LTBP1: variants seen among roughly 807,000 people sequenced by gnomAD.
LTBP1 encodes the protein latent transforming growth factor beta binding protein 1, also known as latent-transforming growth factor beta-binding protein 1.
LTBP1 carries 129 observed loss-of-function variants against 207.6 expected under a neutral mutation model. That is an observed-to-expected ratio of 0.62 (90% CI 0.54 to 0.72). The LOEUF (loss-of-function observed/expected upper bound fraction) is 0.72, where lower values mean the gene tolerates loss of function less well. Ranked by LOEUF, LTBP1 falls within the 30% of genes least tolerant of loss-of-function variation. The pLI is 0.00. For synonymous variants in LTBP1, 963 were observed against 833.7 expected, an observed-to-expected ratio of 1.16 and a Z score of -2.67; for missense variants, 2,281 against 2,217.2, an observed-to-expected ratio of 1.03 and a Z score of -0.58.
At chr2:33,099,611 AT>A (rs1322553878) in intron 3 of LTBP1, among the ~76,000 whole-genome samples, 1 of 152,210 alleles carries the variant, frequency 6.6e-6, no homozygotes, top group East Asian at 1.9e-4. Flanking sequence ...ATTTGGTAAC[AT>A]TTGAGTTAGG....
chr2:33,368,633 T>C (rs776281938), intron 31 of LTBP1, among the ~76,000 whole-genome samples: 6 of 152,232 alleles, frequency 3.9e-5, no homozygotes, highest in Non-Finnish European at 7.3e-5. Flanking sequence ...TCCCAGCATG[T>C]TGGGAGGCCG....
chr2:33,069,154 TG>T (rs1335646148), intron 3 of LTBP1, among the ~76,000 whole-genome samples: 1 of 152,166 alleles, frequency 6.6e-6, no homozygotes, highest in African/African-American at 2.4e-5. Context: ...ACATGACTGT[TG>T]ATTCCTCTCT....
intron 26 of LTBP1, among the ~76,000 whole-genome samples, chr2:33,355,514 T>G (rs555867135): frequency 6.6e-6 from 1 of 152,264 alleles, no homozygotes; most frequent in African/African-American, 2.4e-5. Context: ...TTTTTGTATG[T>G]TTTTTATTTT....
chr2:33,220,591 G>A (rs4671024), intron 8 of LTBP1, among the ~76,000 whole-genome samples: 61,591 of 152,106 alleles, frequency 0.4, 13,508 homozygotes, highest in Non-Finnish European at 0.49. Flanking sequence ...AGCTGAGGAG[G>A]ACTGTAAGAG....
chr2:33,118,572 A>G lies in LTBP1; in HGVS notation c.1033+7821A>G, dbSNP rs189892396. On this transcript the variant is annotated intron_variant, in intron 4 of 33. Transcript: ENST00000404816. Reference sequence around the variant, plus strand: ...TCTGCTTTTCAATGATTTCTGGCAAAGTTTTTGGTTTGAAAGCCTAGACAG... The same window carrying G: ...TCTGCTTTTCAATGATTTCTGGCAAGGTTTTTGGTTTGAAAGCCTAGACAG... Among the ~76,000 whole-genome samples the G allele has an allele frequency of 8.5e-5, 13 of 152,304 alleles. No individual in the cohort carries two copies. In the East Asian group the frequency reaches 2.5e-3, roughly 29 times the overall value.
At chr2:33,272,408 A>G (rs2093341343) in intron 15 of LTBP1, among the ~76,000 whole-genome samples, 2 of 152,230 alleles carry the variant, frequency 1.3e-5, no homozygotes, top group African/African-American at 4.8e-5. Flanking sequence ...GGCCTCATTC[A>G]TACCAGCCTC....
intron 9 of LTBP1, among the ~76,000 whole-genome samples, chr2:33,242,424 A>G (rs2092359868): frequency 6.6e-6 from 1 of 151,938 alleles, no homozygotes; most frequent in African/African-American, 2.4e-5. Context: ...TGTAGCAGTG[A>G]TTTCCTCTTT....
chr2:33,036,093 T>C (rs1289794860), intron 3 of LTBP1, among the ~76,000 whole-genome samples: 4 of 152,242 alleles, frequency 2.6e-5, no homozygotes, highest in Non-Finnish European at 5.9e-5. Flanking sequence ...GACTTGCTTT[T>C]CTTGCTCAAG....
chr2:32,998,512 TAAAAAAAAAAAAAAAAAAAAAA>T (rs769287082), intron 2 of LTBP1, among the ~76,000 whole-genome samples: 1 of 29,236 alleles, frequency 3.4e-5, no homozygotes, highest in African/African-American at 8.6e-5. Flanking sequence ...GACTCCATCT[TAAAAAAAAAAAAAAAAAAAAAA>T]AAAAAAAAAA....
intron 3 of LTBP1, among the ~76,000 whole-genome samples, chr2:33,023,371 G>A (rs2075266662): frequency 1.3e-5 from 2 of 152,186 alleles, no homozygotes; most frequent in African/African-American, 4.8e-5. Context: ...TAAAGGAACA[G>A]TCTATTTTTT....
intron 3 of LTBP1, among the ~76,000 whole-genome samples, chr2:33,086,113 AT>A (rs1158423446): frequency 6.6e-6 from 1 of 152,226 alleles, no homozygotes; most frequent in East Asian, 1.9e-4. Context: ...CTGTATGTGT[AT>A]TCACCCACTG....
chr2:33,012,991 A>G (rs1054265832), intron 2 of LTBP1, among the ~76,000 whole-genome samples: 3 of 152,204 alleles, frequency 2.0e-5, no homozygotes, highest in East Asian at 3.8e-4. Flanking sequence ...GTATCACTTT[A>G]TAGTTCTAAT....
chr2:33,156,624 A>C (rs1280834607), intron 5 of LTBP1, among the ~76,000 whole-genome samples: 1 of 152,178 alleles, frequency 6.6e-6, no homozygotes, highest in Non-Finnish European at 1.5e-5. Context: ...TATTATTGTT[A>C]CTGTTAATTG....
intron 25 of LTBP1, among the ~76,000 whole-genome samples, chr2:33,346,680 G>A (rs578069286): frequency 6.1e-5 from 9 of 147,876 alleles, no homozygotes; most frequent in East Asian, 2.0e-4. Context: ...ATGAGACGCC[G>A]TCTCAAAAAA....
chr2:33,363,397 T>C lies in LTBP1; in HGVS notation c.4278T>C (p.Asp1426=), dbSNP rs1172308743. The C allele has an allele frequency of 6.2e-7, 1 of 1,613,628 alleles. No homozygotes were observed. The highest frequency in any genetic ancestry group is 1.3e-5 in the African/African-American group (1 of 74,916). Residue 1426 remains aspartate, a synonymous_variant, in exon 29 of 34, where the codon GAT becomes GAC. Transcript: ENST00000404816. ...CAATTTTTTTCCCCGTAGATGCAGATGAATGCCTACTTTTTGGACAAGAAA... is the reference window on the plus strand; with the variant it reads ...CAATTTTTTTCCCCGTAGATGCAGACGAATGCCTACTTTTTGGACAAGAAA... ...EAGGENYKDA[D]ECLLFGQEIC...
intron 5 of LTBP1, among the ~76,000 whole-genome samples, chr2:33,162,380 A>T (rs942239291): frequency 1.3e-5 from 2 of 152,212 alleles, no homozygotes; most frequent in Non-Finnish European, 2.9e-5. Context: ...TATATATCTA[A>T]TAATTACTTA....
At chr2:33,378,528 A>G (rs966007509) in intron 31 of LTBP1, among the ~76,000 whole-genome samples, 4 of 152,162 alleles carry the variant, frequency 2.6e-5, no homozygotes, top group African/African-American at 4.8e-5. Flanking sequence ...CACCACGCCC[A>G]GCATACTTTC....
chr2:33,292,593 G>C (rs932442124), intron 19 of LTBP1, among the ~76,000 whole-genome samples: 4 of 152,176 alleles, frequency 2.6e-5, no homozygotes, highest in Non-Finnish European at 5.9e-5. Context: ...CCTCTTCAGC[G>C]TGTGCCCTAC....
chr2:33,341,178 G>T (rs1175208374), intron 24 of LTBP1, among the ~76,000 whole-genome samples: 1 of 152,086 alleles, frequency 6.6e-6, no homozygotes. Flanking sequence ...TGCCCAAGGA[G>T]AAGAAAAGCA....
Sources: gnomAD v4.1 joint callset for allele counts (sites outside exome capture counted in the v4.1 genomes callset) on GRCh38, gnomAD v4.1.1 for gene constraint, MANE v1.5 for transcripts, NCBI Gene and HGNC (gene_info 2026-07-23, HGNC 2026-07-21) for gene names.